CNTNAP2: variants seen among roughly 807,000 people sequenced by gnomAD.
CNTNAP2 encodes contactin-associated protein-like 2.
CNTNAP2 carries 98 observed loss-of-function variants against 155.2 expected under a neutral mutation model. The ratio of observed to expected loss-of-function variants is 0.63; its 90% CI spans 0.54 to 0.75. CNTNAP2 has a LOEUF of 0.75. CNTNAP2 is among the 30% of genes least tolerant of loss of function. The pLI is 0.00. For missense variants in CNTNAP2, 1,727 were observed against 1,688.1 expected, an observed-to-expected ratio of 1.02 and a Z score of -0.40; for synonymous variants, 651 against 631.2, an observed-to-expected ratio of 1.03 and a Z score of -0.47.
chr7:147,697,669 G>T (rs140237404), intron 13 of CNTNAP2, among the ~76,000 whole-genome samples: 2 of 152,084 alleles, frequency 1.3e-5, no homozygotes, highest in Non-Finnish European at 2.9e-5. Flanking sequence ...ACCCCTTTAC[G>T]TGGCACAGGG....
intron 18 of CNTNAP2, among the ~76,000 whole-genome samples, chr7:148,198,653 T>G (rs1310961693): frequency 6.6e-6 from 1 of 152,362 alleles, no homozygotes; most frequent in East Asian, 1.9e-4. Flanking sequence ...TCTTTTCAGA[T>G]GTGCCCTTTC....
intron 15 of CNTNAP2, among the ~76,000 whole-genome samples, chr7:148,081,108 A>G (rs187857429): frequency 1.5e-4 from 23 of 152,334 alleles, no homozygotes; most frequent in Non-Finnish European, 1.5e-5. Flanking sequence ...GAAATGTAAA[A>G]TCTCAATGAC....
chr7:147,327,507 C>T (rs193264933), intron 9 of CNTNAP2, among the ~76,000 whole-genome samples: 20 of 152,152 alleles, frequency 1.3e-4, no homozygotes, highest in Admixed American at 7.9e-4. Context: ...AAACATCTTA[C>T]GTTAAAATTT....
At chr7:147,608,458 T>A (rs1801115871) in intron 12 of CNTNAP2, among the ~76,000 whole-genome samples, 1 of 152,048 alleles carries the variant, frequency 6.6e-6, no homozygotes, top group Admixed American at 6.6e-5. Flanking sequence ...AACTACATTT[T>A]ATTATTTATT....
chr7:146,958,025 A>C (rs561491452), intron 3 of CNTNAP2, among the ~76,000 whole-genome samples: 2 of 152,298 alleles, frequency 1.3e-5, no homozygotes, highest in South Asian at 4.1e-4. Context: ...TATAGCGTAC[A>C]ATTTCACTAT....
intron 21 of CNTNAP2, among the ~76,000 whole-genome samples, chr7:148,351,134 G>T (rs1454180260): frequency 1.3e-5 from 2 of 152,168 alleles, no homozygotes; most frequent in Admixed American, 1.3e-4. Context: ...AGTTGGTCAG[G>T]TAAGGCCTGA....
chr7:148,250,719 G>C (rs531247969), intron 20 of CNTNAP2, among the ~76,000 whole-genome samples: 1 of 152,338 alleles, frequency 6.6e-6, no homozygotes, highest in Non-Finnish European at 1.5e-5. Context: ...ATCGGGGTCT[G>C]TCCTGTCCTC....
At chr7:146,125,967 G>A (rs1797630251) in intron 1 of CNTNAP2, among the ~76,000 whole-genome samples, 1 of 152,146 alleles carries the variant, frequency 6.6e-6, no homozygotes, top group South Asian at 2.1e-4. Context: ...GCTAATATTT[G>A]TTGTGTTGAC....
At chr7:146,240,124 T>C (rs6965190) in intron 1 of CNTNAP2, among the ~76,000 whole-genome samples, 16,166 of 152,154 alleles carry the variant, frequency 0.11, 2,276 homozygotes, top group African/African-American at 0.33. Context: ...ATAGAAACTG[T>C]ATTAACTATT....
At chr7:146,164,312 C>G (rs917007934) in intron 1 of CNTNAP2, among the ~76,000 whole-genome samples, 2 of 152,156 alleles carry the variant, frequency 1.3e-5, no homozygotes, top group Non-Finnish European at 2.9e-5. Context: ...ATGTATCACT[C>G]ATCTACTTAC....
intron 3 of CNTNAP2, among the ~76,000 whole-genome samples, chr7:146,879,229 T>C (rs1795489480): frequency 6.6e-6 from 1 of 152,194 alleles, no homozygotes; most frequent in Non-Finnish European, 1.5e-5. Flanking sequence ...TAGTTACTAT[T>C]ATCAATAGAT....
intron 22 of CNTNAP2, among the ~76,000 whole-genome samples, chr7:148,390,222 C>T (rs542911107): frequency 1.3e-4 from 20 of 152,318 alleles, no homozygotes; most frequent in Admixed American, 5.2e-4. Context: ...GAAGCTCACT[C>T]AGAGGAGATG....
chr7:147,645,088 A>G (rs568425404), intron 13 of CNTNAP2, among the ~76,000 whole-genome samples: 50 of 152,230 alleles, frequency 3.3e-4, no homozygotes, highest in African/African-American at 1.2e-3. Flanking sequence ...ATAGTTTACT[A>G]TTAGATTTTG....
At chr7:146,598,449 A>T (rs1256489002) in intron 1 of CNTNAP2, among the ~76,000 whole-genome samples, 1 of 151,994 alleles carries the variant, frequency 6.6e-6, no homozygotes, top group Non-Finnish European at 1.5e-5. Context: ...TCCTGCTGCA[A>T]TTATGTTTTG....
At chr7:146,427,372 T>A (rs879409831) in intron 1 of CNTNAP2, among the ~76,000 whole-genome samples, 2 of 152,226 alleles carry the variant, frequency 1.3e-5, no homozygotes, top group Admixed American at 6.5e-5. Flanking sequence ...ATTGTAGACA[T>A]ACATAATATG....
At chr7:146,534,748 A>G (rs767671290) in intron 1 of CNTNAP2, among the ~76,000 whole-genome samples, 1 of 151,874 alleles carries the variant, frequency 6.6e-6, no homozygotes, top group Non-Finnish European at 1.5e-5. Context: ...ATTCTTTTCT[A>G]AAGTTCCTAC....
At chr7:147,726,636 C>G (rs1468001983) in intron 13 of CNTNAP2, among the ~76,000 whole-genome samples, 2 of 151,850 alleles carry the variant, frequency 1.3e-5, no homozygotes, top group Non-Finnish European at 2.9e-5. Context: ...CACAATGCTC[C>G]TATAAATCCT....
At chr7:147,943,218 T>A (rs1393133450) in intron 14 of CNTNAP2, among the ~76,000 whole-genome samples, 1 of 152,184 alleles carries the variant, frequency 6.6e-6, no homozygotes, top group Non-Finnish European at 1.5e-5. Context: ...GACAACCAGA[T>A]GCTTCAAAAC....
At chr7:147,406,658 C>T (rs1797009994) in intron 10 of CNTNAP2, among the ~76,000 whole-genome samples, 1 of 152,098 alleles carries the variant, frequency 6.6e-6, no homozygotes, top group African/African-American at 2.4e-5. Flanking sequence ...ATATTAGAGT[C>T]TGAATCTTGT....
Sources: allele counts gnomAD v4.1 joint callset (sites outside exome capture counted in the v4.1 genomes callset), GRCh38; gene constraint gnomAD v4.1.1; transcripts MANE v1.5; gene names NCBI Gene and HGNC (gene_info 2026-07-23, HGNC 2026-07-21).